The following ABLIM1 variants were observed in gnomAD, a reference collection of about 807,000 sequenced individuals.
ABLIM1 encodes the protein actin-binding LIM protein 1.
A neutral mutation model predicts 107.0 loss-of-function variants in ABLIM1; 40 were observed. The ratio of observed to expected loss-of-function variants is 0.37; its 90% CI spans 0.29 to 0.49. The LOEUF (loss-of-function observed/expected upper bound fraction) is 0.49, where lower values mean the gene tolerates loss of function less well. ABLIM1 is among the 20% of genes least tolerant of loss of function. The pLI is 0.97. For synonymous variants in ABLIM1, 357 were observed against 357.3 expected (o/e 1.00, Z 0.01); for missense variants, 857 against 1,008.5 (o/e 0.85, Z 2.04).
At chr10:114,686,394 T>C (rs1157063252), upstream of ABLIM1, among the ~76,000 whole-genome samples, 2 of 151,748 alleles carry the variant, frequency 1.3e-5, no homozygotes, top group African/African-American at 4.8e-5. Flanking sequence ...GCACCTATAG[T>C]CCTAGCTACT....
intron 6 of ABLIM1, among the ~76,000 whole-genome samples, chr10:114,537,609 G>C (rs2137196844): frequency 6.6e-6 from 1 of 152,330 alleles, no homozygotes; most frequent in East Asian, 1.9e-4. Flanking sequence ...TAACTGCCCT[G>C]ACCAGCTTGC....
chr10:114,768,090 G>A, upstream of ABLIM1: 1 of 429,466 alleles, frequency 2.3e-6, no homozygotes. Flanking sequence ...GGCAGCGGGA[G>A]CCGGAGCTGG....
chr10:114,616,172 GAAAA>G (rs1158181570), intron 1 of ABLIM1, among the ~76,000 whole-genome samples: 1 of 151,218 alleles, frequency 6.6e-6, no homozygotes, highest in Non-Finnish European at 1.5e-5. Flanking sequence ...GTCTCTATAA[GAAAA>G]AAAAAGTTTA....
chr10:114,539,606 A>G (rs1430338975), intron 6 of ABLIM1, among the ~76,000 whole-genome samples: 1 of 152,172 alleles, frequency 6.6e-6, no homozygotes, highest in African/African-American at 2.4e-5. Context: ...TACACCCACC[A>G]TGAGCTGCCT....
intron 2 of ABLIM1, among the ~76,000 whole-genome samples, chr10:114,588,037 G>A (rs2483581): frequency 0.28 from 42,273 of 152,046 alleles, 7,627 homozygotes; most frequent in African/African-American, 0.51. Flanking sequence ...CAGAGATCAC[G>A]TCTGTATATA....
intron 6 of ABLIM1, among the ~76,000 whole-genome samples, chr10:114,499,614 G>C (rs963966997): frequency 8.5e-5 from 13 of 152,144 alleles, no homozygotes; most frequent in African/African-American, 2.7e-4. Context: ...ACCCAGATAT[G>C]AGTGTCTTTA....
intron 1 of ABLIM1, among the ~76,000 whole-genome samples, chr10:114,734,467 A>C (rs1327625856): frequency 6.6e-6 from 1 of 151,816 alleles, no homozygotes; most frequent in African/African-American, 2.4e-5. Context: ...GGTTTCCTTC[A>C]GTTTCTCCCA....
intron 12 of ABLIM1, among the ~76,000 whole-genome samples, chr10:114,464,634 A>G (rs1333750941): frequency 1.3e-5 from 2 of 152,240 alleles, no homozygotes; most frequent in Non-Finnish European, 2.9e-5. Flanking sequence ...AATAAATAGC[A>G]CAAACATTTA....
intron 6 of ABLIM1, among the ~76,000 whole-genome samples, chr10:114,514,723 C>G: frequency 6.6e-6 from 1 of 152,130 alleles, no homozygotes; most frequent in East Asian, 1.9e-4. Flanking sequence ...TTCTTGCAGA[C>G]TGCATGAAAA....
In ABLIM1 at chr10:114,510,656, AT is replaced by A. The variant is rs199711033; in HGVS notation, c.895-18779del. Among the ~76,000 whole-genome samples the A allele has an allele frequency of 1.0e-3, 98 of 97,076 alleles. No homozygotes were observed. In the Middle Eastern group the frequency reaches 0.014, roughly 14 times the overall value. The allele number at this position is 97,076 out of a possible 152,430, so 63.7% of individuals were successfully genotyped here. On this transcript the variant is annotated intron_variant, in intron 6 of 22. Coordinates refer to ENST00000533213, the MANE Select transcript of ABLIM1 (RefSeq NM_002313.7). The stretch of plus-strand genomic sequence containing the variant: ...GATTTTATTTTTATTTTATTTTATT[AT>A]TTTTTTTTTTGAGACAAGGTCTCAC...
At chr10:114,545,754 G>A (rs1453915125) in intron 5 of ABLIM1, among the ~76,000 whole-genome samples, 1 of 151,684 alleles carries the variant, frequency 6.6e-6, no homozygotes, top group Non-Finnish European at 1.5e-5. Context: ...GGGAAGCCCT[G>A]TTTCTACTTT....
chr10:114,674,459 G>C (rs1774085303), intron 1 of ABLIM1, among the ~76,000 whole-genome samples: 1 of 152,204 alleles, frequency 6.6e-6, no homozygotes, highest in Admixed American at 6.5e-5. Flanking sequence ...TCAGAAGGTA[G>C]TGAGACATAA....
At chr10:114,571,503 CT>C in intron 3 of ABLIM1, 97 bp from the exon 4 acceptor site, 5 of 1,191,294 alleles carry the variant, frequency 4.2e-6, no homozygotes, top group Non-Finnish European at 6.1e-6. Context: ...CCATTTATTT[CT>C]TGGAGAAGCA....
intron 1 of ABLIM1, among the ~76,000 whole-genome samples, chr10:114,653,382 A>AC (rs1166500755): frequency 2.6e-5 from 4 of 151,924 alleles, no homozygotes; most frequent in Admixed American, 1.3e-4. Flanking sequence ...TCTCTAAAAA[A>AC]AAAATCAAAG....
chr10:114,662,588 C>A (rs1040444754), upstream of ABLIM1, among the ~76,000 whole-genome samples: 3 of 152,198 alleles, frequency 2.0e-5, no homozygotes, highest in Non-Finnish European at 4.4e-5. Flanking sequence ...GGCATATGCT[C>A]CGGTCTGGGC....
At position 114,447,980 on chromosome 10, in the gene ABLIM1, G is replaced by C; in HGVS notation, c.1635C>G (p.Ile545Met). The change falls in exon 15 of 23, where the codon ATC becomes ATG. Residue 545 changes from isoleucine (I) to methionine (M), a missense_variant. Around this residue, in one of 5 missense-constraint regions of ABLIM1, gnomAD observed 103 missense variants for 101.0 expected, o/e 1.02. Coordinates refer to ENST00000533213, the MANE Select transcript of ABLIM1 (RefSeq NM_002313.7). ...AAQSKSSEDIIKFSKFPAAQA... is the reference protein window; with the variant it reads ...AAQSKSSEDIMKFSKFPAAQA... Reference sequence around the variant, plus strand: ...GGGCTGCTGGGAACTTGGAAAACTTGATGATATCTTCTGAGGACTTGCTCT... The same window carrying C: ...GGGCTGCTGGGAACTTGGAAAACTTCATGATATCTTCTGAGGACTTGCTCT... 6.2e-7 allele frequency: 1 copy of C among 1,614,128 alleles called. No individual in the cohort carries two copies.
the ABLIM1 span, chr10:114,779,272 G>T: frequency 6.6e-6 from 1 of 152,126 alleles, no homozygotes; most frequent in Admixed American, 6.5e-5. Context: ...AGGCACTGTT[G>T]TTACCCTCCA....
At chr10:114,513,027 T>G (rs1441882302) in intron 6 of ABLIM1, among the ~76,000 whole-genome samples, 1 of 152,148 alleles carries the variant, frequency 6.6e-6, no homozygotes, top group Admixed American at 6.5e-5. Flanking sequence ...AAGAAGACAG[T>G]CACCTGTACT....
At chr10:114,705,014 T>G (rs2081391783) in intron 1 of ABLIM1, among the ~76,000 whole-genome samples, 1 of 152,178 alleles carries the variant, frequency 6.6e-6, no homozygotes, top group South Asian at 2.1e-4. Context: ...TGGTGAGGTT[T>G]AAGAAAGGGA....
Sources: gnomAD v4.1 joint callset for allele counts (sites outside exome capture counted in the v4.1 genomes callset) on GRCh38, gnomAD v4.1.1 for gene constraint, gnomAD v4.1.1 regional missense constraint, MANE v1.5 for transcripts, NCBI Gene and HGNC (gene_info 2026-07-23, HGNC 2026-07-21) for gene names.